UBA6: variants seen among roughly 807,000 people sequenced by gnomAD.
UBA6 encodes ubiquitin like modifier activating enzyme 6, also known as ubiquitin-like modifier-activating enzyme 6.
Under a neutral mutation model 148.3 loss-of-function variants are expected in UBA6, and 87 were observed. The ratio of observed to expected loss-of-function variants is 0.59; its 90% CI spans 0.49 to 0.70. The LOEUF (loss-of-function observed/expected upper bound fraction) is 0.70, where lower values mean the gene tolerates loss of function less well. Among genes scored for constraint, UBA6 ranks in the 30% least tolerant of loss-of-function variants. The pLI is 0.00. For synonymous variants in UBA6, 376 were observed against 401.0 expected (o/e 0.94, Z 0.75); for missense variants, 1,186 against 1,241.2 (o/e 0.96, Z 0.67).
At position 67,676,551 on chromosome 4, in the gene UBA6, C is replaced by G. The variant is rs577848179; in HGVS notation, c.465+1060G>C. On this transcript the variant is annotated intron_variant, in intron 6 of 32. Transcript: ENST00000322244. ...AGGGCATAGCTCTCTGAGGCTCCAG[C>G]TTTATGAAGAAGGGGAGGTCTCAAT... is the stretch of plus-strand genomic sequence containing the variant. 1.1e-4 allele frequency among the ~76,000 whole-genome samples: 16 copies of G among 152,276 alleles called. No homozygotes were observed. The South Asian group carries it at 3.3e-3, about 32-fold the overall frequency.
chr4:67,647,015 A>C (rs1472391826), intron 14 of UBA6, among the ~76,000 whole-genome samples: 1 of 152,122 alleles, frequency 6.6e-6, no homozygotes. Flanking sequence ...ATATAATTTG[A>C]TTCATGTCAC....
At chr4:67,667,566 C>CAT (rs3033611) in intron 9 of UBA6, among the ~76,000 whole-genome samples, 57,740 of 151,596 alleles carry the variant, frequency 0.38, 11,079 homozygotes, top group Middle Eastern at 0.51. Context: ...AAACTAAATA[C>CAT]AGTTATATTT....
intron 2 of UBA6, among the ~76,000 whole-genome samples, chr4:67,686,829 C>T (rs1419782531): frequency 6.6e-6 from 1 of 151,014 alleles, no homozygotes; most frequent in African/African-American, 2.4e-5. Flanking sequence ...TGGCACACAC[C>T]TGTGGTCCTA....
intron 14 of UBA6, 64 bp from the exon 15 acceptor site, chr4:67,646,855 C>G: frequency 3.1e-6 from 3 of 980,930 alleles, no homozygotes; most frequent in Non-Finnish European, 4.3e-6. Context: ...AAAAGAAGCT[C>G]CTTTATAGTT....
intron 2 of UBA6, among the ~76,000 whole-genome samples, chr4:67,691,675 G>C (rs1730697249): frequency 6.6e-6 from 1 of 152,096 alleles, no homozygotes; most frequent in African/African-American, 2.4e-5. Context: ...CCAAGAAGCT[G>C]AGAAAAGTCA....
At chr4:67,648,456 AG>A (rs1299229210) in intron 14 of UBA6, among the ~76,000 whole-genome samples, 1 of 145,948 alleles carries the variant, frequency 6.9e-6, no homozygotes, top group Non-Finnish European at 1.5e-5. Flanking sequence ...TAACAGTGTG[AG>A]ACTCTGTCTC....
intron 13 of UBA6, among the ~76,000 whole-genome samples, chr4:67,652,376 C>T (rs1729572750): frequency 6.6e-6 from 1 of 151,886 alleles, no homozygotes; most frequent in Non-Finnish European, 1.5e-5. Context: ...AAAATGAAAA[C>T]CAAAATGAGA....
rs1728565333 is a variant in UBA6 at position 67,612,926 on chromosome 4, T to C, written c.*6071A>G. 1 of 152,234 alleles carries C rather than the reference T, an allele frequency of 6.6e-6. No homozygotes were observed. The highest frequency in any genetic ancestry group is 1.5e-5 in the Non-Finnish European group (1 of 68,044). The allele number at this position is 152,234 out of a possible 1,614,324, so 9.4% of individuals were successfully genotyped here. On this transcript the variant is annotated 3_prime_UTR_variant, in exon 33 of 33. Transcript: ENST00000322244. ...AAATGAACCATTCATTTGGGACCAC[T>C]GTGTTAGGAGTATTTATAGATTGCA...
intron 16 of UBA6, among the ~76,000 whole-genome samples, chr4:67,645,167 A>C (rs1034909449): frequency 6.6e-6 from 1 of 152,236 alleles, no homozygotes; most frequent in Non-Finnish European, 1.5e-5. Flanking sequence ...TTGATTTTCA[A>C]AACATTATTT....
At chr4:67,685,094 A>C (rs1435994834) in intron 2 of UBA6, among the ~76,000 whole-genome samples, 4 of 152,132 alleles carry the variant, frequency 2.6e-5, no homozygotes, top group Non-Finnish European at 5.9e-5. Context: ...GAGAGAAAAA[A>C]ACAACCATCA....
At chr4:67,630,570 GTA>G (rs1159697291) in intron 25 of UBA6, 35 bp from the exon 26 acceptor site, 1 of 1,419,932 alleles carries the variant, frequency 7.0e-7, no homozygotes, top group African/African-American at 1.4e-5. Flanking sequence ...AAATTTGAAT[GTA>G]CAGTTTTAAA....
At chr4:67,661,292 A>G (rs1433989604) in intron 13 of UBA6, among the ~76,000 whole-genome samples, 1 of 152,170 alleles carries the variant, frequency 6.6e-6, no homozygotes, top group Admixed American at 6.5e-5. Context: ...GTCCCCACCC[A>G]AAATCTCATC....
Position 67,616,054 on chromosome 4 carries a change from GA to G in UBA6, c.*2942del. On this transcript the variant is annotated 3_prime_UTR_variant, in exon 33 of 33. Coordinates refer to ENST00000322244, the MANE Select transcript of UBA6 (RefSeq NM_018227.6). ...TATTTTTGAATATATATGTGTTTTT[GA>G]AAAATATATATTTCTCAATAAAAAA... The G allele has an allele frequency of 2.6e-6, 1 of 390,200 alleles. No homozygotes were observed. The highest frequency in any genetic ancestry group is 3.6e-5 in the East Asian group (1 of 27,634). The allele number at this position is 390,200 out of a possible 1,614,324, so 24.2% of individuals were successfully genotyped here.
chr4:67,694,591 G>A (rs1355914220), intron 2 of UBA6, among the ~76,000 whole-genome samples: 1 of 151,920 alleles, frequency 6.6e-6, no homozygotes, highest in African/African-American at 2.4e-5. Context: ...TAGAGACGGG[G>A]TTTCACTGTG....
In UBA6 at chr4:67,625,174, C is replaced by T; in HGVS notation, c.2532G>A (p.Met844Ile). ...SNEATKSDLQ[M>I]AVLSFEKDDD... ...CATCTTTTTCAAATGAAAGCACTGC[C>T]ATCTGAAGGTCACCTGATTATACCA... The change falls in exon 29 of 33, where the codon ATG becomes ATA. Residue 844 changes from methionine to isoleucine, a missense_variant. Physicochemically the swap from Met to Ile is conservative, Grantham distance 10 (BLOSUM62 1). Coordinates refer to ENST00000322244, the MANE Select transcript of UBA6 (RefSeq NM_018227.6). The T allele has an allele frequency of 6.2e-7, 1 of 1,607,996 alleles. No individual in the cohort carries two copies. Among genetic ancestry groups the T allele is most frequent in the Non-Finnish European group, 8.5e-7 (1 of 1,177,332 alleles).
chr4:67,652,157 A>G (rs2109922681), intron 13 of UBA6, among the ~76,000 whole-genome samples: 1 of 152,318 alleles, frequency 6.6e-6, no homozygotes, highest in East Asian at 1.9e-4. Flanking sequence ...TTGTGATTTG[A>G]TAAATTGAAT....
intron 2 of UBA6, among the ~76,000 whole-genome samples, chr4:67,686,012 T>A (rs190243753): frequency 6.6e-6 from 1 of 152,218 alleles, no homozygotes; most frequent in Non-Finnish European, 1.5e-5. Flanking sequence ...AAGTTCATAA[T>A]GTTAACAGGT....
At chr4:67,668,397 G>A (rs1425323452) in intron 9 of UBA6, among the ~76,000 whole-genome samples, 154 bp downstream of exon 9, 2 of 152,290 alleles carry the variant, frequency 1.3e-5, no homozygotes, top group South Asian at 2.1e-4. Context: ...AATATCATCA[G>A]TGTTTAACAA....
intron 13 of UBA6, chr4:67,661,895 T>A (rs1205522158): frequency 2.5e-6 from 1 of 404,266 alleles, no homozygotes; most frequent in African/African-American, 2.1e-5. Context: ...CATAACAGAA[T>A]AATAAAGAAT....
Sources: gnomAD v4.1 joint callset for allele counts (sites outside exome capture counted in the v4.1 genomes callset) on GRCh38, gnomAD v4.1.1 for gene constraint, MANE v1.5 for transcripts, NCBI Gene and HGNC (gene_info 2026-07-23, HGNC 2026-07-21) for gene names.